Variants in DOCK2 observed in about 807,000 individuals in gnomAD.
DOCK2 encodes the protein dedicator of cytokinesis protein 2.
A neutral mutation model predicts 248.9 loss-of-function variants in DOCK2; 87 were observed. The observed-to-expected ratio is 0.35, with a 90% CI of 0.29 to 0.42. The LOEUF (loss-of-function observed/expected upper bound fraction) is 0.42, where lower values mean the gene tolerates loss of function less well. DOCK2 is among the 10% of genes least tolerant of loss of function. The pLI, the probability that DOCK2 is intolerant of heterozygous loss-of-function variation, is 1.00. For missense variants in DOCK2, 1,747 were observed against 2,300.2 expected, an observed-to-expected ratio of 0.76 and a Z score of 4.92; for synonymous variants, 805 against 821.6, an observed-to-expected ratio of 0.98 and a Z score of 0.35.
At chr5:169,833,203 T>C (rs1769339905) in intron 26 of DOCK2, among the ~76,000 whole-genome samples, 1 of 152,236 alleles carries the variant, frequency 6.6e-6, no homozygotes. Context: ...ACAATCATAT[T>C]TTTAAAAGTG....
chr5:169,958,675 A>G (rs953945643), intron 27 of DOCK2, among the ~76,000 whole-genome samples: 1 of 152,028 alleles, frequency 6.6e-6, no homozygotes, highest in African/African-American at 2.4e-5. Flanking sequence ...TTAGGCGTGG[A>G]GCTCTCTTGA....
intron 49 of DOCK2, 49 bp downstream of exon 49, chr5:170,079,195 A>G (rs771224519): frequency 2.5e-6 from 4 of 1,583,226 alleles, no homozygotes; most frequent in East Asian, 4.6e-5. Flanking sequence ...GCACATTTCC[A>G]CTACATGCTG....
chr5:170,060,249 T>A (rs1216004126), intron 44 of DOCK2, among the ~76,000 whole-genome samples: 1 of 152,180 alleles, frequency 6.6e-6, no homozygotes, highest in Non-Finnish European at 1.5e-5. Context: ...ACTAATGAGC[T>A]ATGTATGTTA....
chr5:170,062,667 C>T (rs1427872686), intron 44 of DOCK2, among the ~76,000 whole-genome samples: 1 of 152,178 alleles, frequency 6.6e-6, no homozygotes, highest in Non-Finnish European at 1.5e-5. Context: ...AACTTATCAA[C>T]TCTGAGACTG....
intron 46 of DOCK2, chr5:170,075,338 C>T (rs932422997): frequency 6.6e-6 from 1 of 152,480 alleles, no homozygotes; most frequent in African/African-American, 2.4e-5. Context: ...TCACATCAAT[C>T]CTCTCTTCTT....
intron 1 of DOCK2, among the ~76,000 whole-genome samples, chr5:169,643,460 C>T (rs1338248621): frequency 2.6e-5 from 4 of 152,162 alleles, no homozygotes; most frequent in African/African-American, 9.7e-5. Context: ...TGTTCCACTT[C>T]AGATCATGAG....
rs2113291665 is a variant in DOCK2 at position 169,671,156 on chromosome 5, C to A, written c.303C>A (p.Ile101=). 1.6e-5 allele frequency: 26 copies of A among 1,614,102 alleles called. No individual in the cohort carries two copies. Among genetic ancestry groups the A allele is most frequent in the Non-Finnish European group, 2.2e-5 (26 of 1,179,964 alleles). ...CGACACTTTGGGAATGGGGAAGCAT[C>A]TGGAAACAACTCTATGTGGTGAGAC... ...VTTTLWEWGS[I]WKQLYVASKK... Residue 101 remains isoleucine (I), a synonymous_variant, in exon 5 of 52, where the codon ATC becomes ATA. Transcript: ENST00000520908.
intron 29 of DOCK2, among the ~76,000 whole-genome samples, chr5:169,992,874 G>A (rs1162058390): frequency 6.6e-6 from 1 of 152,184 alleles, no homozygotes; most frequent in Non-Finnish European, 1.5e-5. Context: ...CCAGTGTGTG[G>A]CTATGAAAGA....
chr5:169,883,706 T>A, intron 27 of DOCK2: 1 of 1,551,422 alleles, frequency 6.4e-7, no homozygotes, highest in African/African-American at 1.4e-5. Flanking sequence ...GTCTTCCCCA[T>A]CACAGCCGGG....
intron 46 of DOCK2, among the ~76,000 whole-genome samples, chr5:170,074,322 T>A (rs1262396634): frequency 6.6e-6 from 1 of 152,202 alleles, no homozygotes; most frequent in Non-Finnish European, 1.5e-5. Context: ...TTCTTCCCTA[T>A]CTGTTGGTCT....
chr5:169,778,863 T>C (rs562276616), intron 25 of DOCK2, among the ~76,000 whole-genome samples: 2 of 152,346 alleles, frequency 1.3e-5, no homozygotes, highest in Non-Finnish European at 2.9e-5. Context: ...AGTCTACTGA[T>C]CTACCAATCT....
intron 33 of DOCK2, among the ~76,000 whole-genome samples, chr5:170,022,617 T>C (rs1755768766): frequency 6.6e-6 from 1 of 152,134 alleles, no homozygotes; most frequent in Non-Finnish European, 1.5e-5. Context: ...GGGCCTTAGG[T>C]GGACCCCATT....
At chr5:169,936,537 G>T (rs572809264) in intron 27 of DOCK2, among the ~76,000 whole-genome samples, 3 of 150,284 alleles carry the variant, frequency 2.0e-5, no homozygotes, top group African/African-American at 7.3e-5. Context: ...TGTGTATTTC[G>T]ATGGGCATGT....
chr5:169,771,411 G>C (rs1765078840), intron 25 of DOCK2, among the ~76,000 whole-genome samples: 1 of 152,168 alleles, frequency 6.6e-6, no homozygotes, highest in Admixed American at 6.5e-5. Flanking sequence ...AGTTTCCTGA[G>C]TAGCTGGGAT....
At position 169,702,330 on chromosome 5, in the gene DOCK2, C is replaced by T. The variant is rs1268064109; in HGVS notation, c.1286C>T (p.Thr429Ile). ...GATGTCAGGAACGACATCTACATTA[C>T]TCTCTTACAAGGTGACTTTGACAAG... is the stretch of plus-strand genomic sequence containing the variant. ...PGDVRNDIYI[T>I]LLQGDFDKYN... The change falls in exon 14 of 52, where the codon ACT becomes ATT. Residue 429 changes from threonine to isoleucine, a missense_variant. By Grantham distance (89) the Thr-to-Ile change is moderately conservative. Transcript: ENST00000520908. 1.9e-6 allele frequency: 3 copies of T among 1,613,962 alleles called. No individual in the cohort carries two copies. Among genetic ancestry groups the T allele is most frequent in the East Asian group, 2.2e-5 (1 of 44,866 alleles).
At position 169,741,761 on chromosome 5, in the gene DOCK2, A is replaced by T. The variant is rs140685837; in HGVS notation, c.2268-5635A>T. ...CTGACTTGCTCTTGTTCCTGGGGTC[A>T]TAAATTATTTAGCTGCCACTTATCT... is the stretch of plus-strand genomic sequence containing the variant. On this transcript the variant is annotated intron_variant, in intron 22 of 51. Coordinates refer to ENST00000520908, the MANE Select transcript of DOCK2 (RefSeq NM_004946.3). Among the ~76,000 whole-genome samples the T allele has an allele frequency of 5.7e-3, 854 of 150,600 alleles. 13 individuals are homozygous for T. Among genetic ancestry groups the T allele is most frequent in the African/African-American group, 0.02 (818 of 40,970 alleles).
chr5:169,986,963 G>A (rs1206187916), intron 29 of DOCK2, among the ~76,000 whole-genome samples: 2 of 152,172 alleles, frequency 1.3e-5, no homozygotes, highest in Non-Finnish European at 2.9e-5. Context: ...GAAGTGGAAG[G>A]GAAAGAGCAA....
intron 32 of DOCK2, among the ~76,000 whole-genome samples, chr5:170,011,320 GA>G (rs1401014164): frequency 2.0e-5 from 3 of 152,226 alleles, no homozygotes; most frequent in African/African-American, 7.2e-5. Context: ...AGTCCATAGA[GA>G]AGGGGTTTGT....
chr5:169,948,173 C>T (rs901042116), intron 27 of DOCK2, among the ~76,000 whole-genome samples: 2 of 152,116 alleles, frequency 1.3e-5, no homozygotes, highest in Non-Finnish European at 2.9e-5. Context: ...TTCATTCATT[C>T]ACTTGACAAA....
Sources: gnomAD v4.1 joint callset for allele counts (sites outside exome capture counted in the v4.1 genomes callset) on GRCh38, gnomAD v4.1.1 for gene constraint, MANE v1.5 for transcripts, NCBI Gene and HGNC (gene_info 2026-07-23, HGNC 2026-07-21) for gene names.